Variants in METTL21C observed in about 807,000 individuals in gnomAD.
The protein encoded by METTL21C is methyltransferase 21C, AARS1 lysine, also known as protein-lysine methyltransferase METTL21C.
A neutral mutation model predicts 25.9 loss-of-function variants in METTL21C; 21 were observed. The observed-to-expected ratio is 0.81, with a 90% CI of 0.58 to 1.17. METTL21C has a LOEUF of 1.17. Ranked by LOEUF, METTL21C falls within the 50% of genes most tolerant of loss-of-function variation. The pLI is 0.00. For missense variants in METTL21C, 312 were observed against 315.1 expected (o/e 0.99, Z 0.07); for synonymous variants, 125 against 124.7 (o/e 1.00, Z -0.01).
chr13:102,685,922 G>C lies in METTL21C; in HGVS notation c.*109C>G. 1 of 1,087,232 alleles carries C rather than the reference G, an allele frequency of 9.2e-7. No homozygotes were observed. Among genetic ancestry groups the C allele is most frequent in the Non-Finnish European group, 1.3e-6 (1 of 772,516 alleles). The allele number at this position is 1,087,232 out of a possible 1,614,324, so 67.3% of individuals were successfully genotyped here. ...TACATTTGTTCCAAGTATACAAGTT[G>C]TTTCTATGCACTACCTTCTCAATCC... is the stretch of plus-strand genomic sequence containing the variant. On this transcript the variant is annotated 3_prime_UTR_variant, in exon 4 of 4. Coordinates refer to ENST00000267273, the MANE Select transcript of METTL21C (RefSeq NM_001010977.3).
upstream of METTL21C, among the ~76,000 whole-genome samples, chr13:102,695,169 A>G (rs966725): frequency 0.61 from 91,984 of 151,738 alleles, 28,383 homozygotes; most frequent in East Asian, 0.83. Context: ...TCTGCCTAGG[A>G]CCCGTATCCA....
At chr13:102,693,308 A>G (rs1205448799) in intron 1 of METTL21C, among the ~76,000 whole-genome samples, 1 of 152,150 alleles carries the variant, frequency 6.6e-6, no homozygotes, top group Non-Finnish European at 1.5e-5. Flanking sequence ...TTAAATTTAA[A>G]TGATGGTTAT....
At chr13:102,703,083 C>T in the METTL21C span, among the ~76,000 whole-genome samples, 1 of 152,214 alleles carries the variant, frequency 6.6e-6, no homozygotes, top group Non-Finnish European at 1.5e-5. Context: ...TAAATACTCT[C>T]ATTGCAGTGG....
chr13:102,690,487 C>T (rs1057217032), intron 2 of METTL21C, among the ~76,000 whole-genome samples: 2 of 151,730 alleles, frequency 1.3e-5, no homozygotes, highest in Non-Finnish European at 2.9e-5. Context: ...CGGAGATGCC[C>T]ACTGCAAAAT....
chr13:102,703,063 C>G, the METTL21C span, among the ~76,000 whole-genome samples: 1 of 152,184 alleles, frequency 6.6e-6, no homozygotes, highest in African/African-American at 2.4e-5. Context: ...GATGGAGAGA[C>G]AGCTTCAAAT....
At chr13:102,701,710 A>G in the METTL21C span, among the ~76,000 whole-genome samples, 1 of 152,170 alleles carries the variant, frequency 6.6e-6, no homozygotes, top group African/African-American at 2.4e-5. Context: ...AGTACAAGGC[A>G]CATGCTGCAA....
chr13:102,688,459 C>A (rs1235756038), intron 2 of METTL21C, among the ~76,000 whole-genome samples: 2 of 152,144 alleles, frequency 1.3e-5, no homozygotes, highest in Non-Finnish European at 2.9e-5. Context: ...GAGGGGTCAC[C>A]ACAGAGCCGC....
intron 2 of METTL21C, among the ~76,000 whole-genome samples, chr13:102,688,074 A>G (rs1309880857): frequency 1.3e-5 from 2 of 152,236 alleles, no homozygotes; most frequent in Non-Finnish European, 2.9e-5. Context: ...GAACGTGAAC[A>G]CTGAGATTTA....
upstream of METTL21C, among the ~76,000 whole-genome samples, chr13:102,697,863 G>A (rs983328388): frequency 1.3e-4 from 20 of 152,138 alleles, no homozygotes; most frequent in Non-Finnish European, 2.2e-4. Context: ...GGCGACCAGA[G>A]CTTAACCCCA....
Position 102,687,019 on chromosome 13 carries a change from C to G in METTL21C, c.321G>C (p.Glu107Asp), listed in dbSNP as rs1885693058. ...ALCQYLEEHA[E>D]ELNFQDAKIL... ...TTTTTGCATCTTGGAAATTCAATTC[C>G]TCGGCATGTTCCTCCAAGTATTGAC... The change falls in exon 3 of 4, where the codon GAG becomes GAC. Residue 107 changes from glutamate to aspartate, a missense_variant. By Grantham distance (45) the Glu-to-Asp change is conservative. Transcript: ENST00000267273. The G allele has an allele frequency of 6.2e-7, 1 of 1,613,938 alleles. No homozygotes were observed. Among genetic ancestry groups the G allele is most frequent in the Non-Finnish European group, 8.5e-7 (1 of 1,179,952 alleles).
At chr13:102,701,933 G>T in the METTL21C span, among the ~76,000 whole-genome samples, 1 of 152,150 alleles carries the variant, frequency 6.6e-6, no homozygotes, top group African/African-American at 2.4e-5. Flanking sequence ...GGGAGGCTGA[G>T]GCGGGCAAAT....
chr13:102,686,648 CAGT>C (rs1194897048), intron 3 of METTL21C, among the ~76,000 whole-genome samples: 5 of 152,168 alleles, frequency 3.3e-5, no homozygotes, highest in African/African-American at 9.7e-5. Context: ...CACCTGATGT[CAGT>C]AGCTCCCCCA....
At chr13:102,698,829 A>G (rs1885987531), upstream of METTL21C, among the ~76,000 whole-genome samples, 1 of 152,196 alleles carries the variant, frequency 6.6e-6, no homozygotes, top group South Asian at 2.1e-4. Context: ...TGGGCATATG[A>G]ACCTGTTGGT....
At chr13:102,692,487 TA>T (rs1885856858) in intron 1 of METTL21C, among the ~76,000 whole-genome samples, 1 of 152,246 alleles carries the variant, frequency 6.6e-6, no homozygotes, top group South Asian at 2.1e-4. Context: ...GCTTGTATTT[TA>T]TATGTCTGTA....
At chr13:102,690,146 C>T (rs925231336) in intron 2 of METTL21C, among the ~76,000 whole-genome samples, 10 of 152,066 alleles carry the variant, frequency 6.6e-5, no homozygotes, top group African/African-American at 1.2e-4. Context: ...GCCGGCCGGG[C>T]GTGGTGGTTC....
intron 2 of METTL21C, among the ~76,000 whole-genome samples, chr13:102,690,017 G>A (rs1449554269): frequency 6.6e-6 from 1 of 152,150 alleles, no homozygotes; most frequent in Non-Finnish European, 1.5e-5. Context: ...AAAATCCAGA[G>A]GACTGCCCCC....
At chr13:102,688,186 G>C (rs74804741) in intron 2 of METTL21C, among the ~76,000 whole-genome samples, 6,102 of 152,308 alleles carry the variant, frequency 0.04, 186 homozygotes, top group Non-Finnish European at 0.058. Context: ...GCCCAGTTTG[G>C]AGTGGGGGCA....
intron 2 of METTL21C, among the ~76,000 whole-genome samples, chr13:102,689,381 A>C (rs887589655): frequency 8.5e-5 from 13 of 152,234 alleles, no homozygotes; most frequent in Non-Finnish European, 1.8e-4. Context: ...TATATGCATA[A>C]GGTGTAAAAA....
In METTL21C at chr13:102,685,962, A is replaced by C. The variant is rs910887600; in HGVS notation, c.*69T>G. Reference sequence around the variant, plus strand: ...CTTCTCAATCCTGTGAAAGAAGTCTATTACCAAAGCAATTTCTAACACATT... The same window carrying C: ...CTTCTCAATCCTGTGAAAGAAGTCTCTTACCAAAGCAATTTCTAACACATT... On this transcript the variant is annotated 3_prime_UTR_variant, in exon 4 of 4. Coordinates refer to ENST00000267273, the MANE Select transcript of METTL21C (RefSeq NM_001010977.3). 6.8e-7 allele frequency: 1 copy of C among 1,479,866 alleles called. No individual in the cohort carries two copies. The highest frequency in any genetic ancestry group is 2.3e-5 in the Admixed American group (1 of 43,810). The allele number at this position is 1,479,866 out of a possible 1,614,324, so 91.7% of individuals were successfully genotyped here. A position where few individuals can be genotyped will look rare whatever the true frequency, so the allele number is the denominator to read the frequency against.
Sources: allele counts gnomAD v4.1 joint callset (sites outside exome capture counted in the v4.1 genomes callset), GRCh38; gene constraint gnomAD v4.1.1; transcripts MANE v1.5; gene names NCBI Gene and HGNC (gene_info 2026-07-23, HGNC 2026-07-21).